VWC2L: variants seen among roughly 807,000 people sequenced by gnomAD.
VWC2L encodes the protein von Willebrand factor C domain-containing protein 2-like.
A neutral mutation model predicts 21.6 loss-of-function variants in VWC2L; 10 were observed. The ratio of observed to expected loss-of-function variants is 0.46; its 90% confidence interval spans 0.29 to 0.78. The LOEUF (loss-of-function observed/expected upper bound fraction) is 0.78, where lower values mean the gene tolerates loss of function less well. VWC2L is among the 30% of genes least tolerant of loss of function. The pLI, the probability that VWC2L is intolerant of heterozygous loss-of-function variation, is 0.10. For missense variants in VWC2L, 209 were observed against 277.1 expected, an observed-to-expected ratio of 0.75 and a Z score of 1.74; for synonymous variants, 96 against 94.3, an observed-to-expected ratio of 1.02 and a Z score of -0.10.
At chr2:214,508,413 C>T (rs1360697523) in intron 3 of VWC2L, among the ~76,000 whole-genome samples, 1 of 152,200 alleles carries the variant, frequency 6.6e-6, no homozygotes, top group African/African-American at 2.4e-5. Context: ...CTGTCTACTC[C>T]CAAACTGCCA....
At chr2:214,438,752 T>A (rs1332438524) in intron 3 of VWC2L, among the ~76,000 whole-genome samples, 1 of 151,990 alleles carries the variant, frequency 6.6e-6, no homozygotes, top group South Asian at 2.1e-4. Flanking sequence ...CATGTCAGAG[T>A]AGAAATTTTT....
In VWC2L at chr2:214,493,276, G is replaced by T. The variant is rs1300735814; in HGVS notation, c.520+56518G>T. ...TTAAATAAAGTATGACTAGTTCAAT[G>T]AGTATTATTTCTATTAACACAGATG... On this transcript the variant is annotated intron_variant, in intron 3 of 3. Transcript: ENST00000312504. Among the ~76,000 whole-genome samples, 4 of 152,182 alleles carry T rather than the reference G, an allele frequency of 2.6e-5. No homozygotes were observed. The East Asian group carries it at 7.7e-4, about 29-fold the overall frequency.
At chr2:214,469,956 A>G (rs1703279712) in intron 3 of VWC2L, among the ~76,000 whole-genome samples, 2 of 152,238 alleles carry the variant, frequency 1.3e-5, no homozygotes, top group South Asian at 4.1e-4. Context: ...GCATCCAAGT[A>G]ACTTAAAGTC....
At chr2:214,481,858 G>A (rs1688607396) in intron 3 of VWC2L, among the ~76,000 whole-genome samples, 1 of 152,088 alleles carries the variant, frequency 6.6e-6, no homozygotes, top group Non-Finnish European at 1.5e-5. Flanking sequence ...ATAACAGAAA[G>A]GTTTGTGTTC....
At chr2:214,475,387 T>A (rs192905703) in intron 3 of VWC2L, among the ~76,000 whole-genome samples, 1 of 147,174 alleles carries the variant, frequency 6.8e-6, no homozygotes, top group Non-Finnish European at 1.5e-5. Flanking sequence ...CAAAGGGATA[T>A]GTAAAAAAAA....
At chr2:214,449,358 T>C (rs997061922) in intron 3 of VWC2L, among the ~76,000 whole-genome samples, 1 of 152,170 alleles carries the variant, frequency 6.6e-6, no homozygotes, top group Non-Finnish European at 1.5e-5. Context: ...TGATGAAATA[T>C]GTGATTTGAA....
chr2:214,451,629 T>G (rs540360886), intron 3 of VWC2L, among the ~76,000 whole-genome samples: 1 of 152,280 alleles, frequency 6.6e-6, no homozygotes, highest in East Asian at 1.9e-4. Context: ...CATTGAGAGC[T>G]AAATTCAACC....
At chr2:214,575,630 T>C in intron 3 of VWC2L, 42 bp from the exon 4 acceptor site, 1 of 1,604,774 alleles carries the variant, frequency 6.2e-7, no homozygotes, top group Non-Finnish European at 8.5e-7. Context: ...AAAGGGAGCC[T>C]CTCAGATTTA....
chr2:214,503,330 C>A (rs775002429), intron 3 of VWC2L, among the ~76,000 whole-genome samples: 13 of 151,838 alleles, frequency 8.6e-5, no homozygotes, highest in Non-Finnish European at 1.2e-4. Context: ...CTTTCAGAGG[C>A]CCATGAAAAT....
chr2:214,437,697 G>C (rs1165679515), intron 3 of VWC2L, among the ~76,000 whole-genome samples: 1 of 151,982 alleles, frequency 6.6e-6, no homozygotes, highest in Non-Finnish European at 1.5e-5. Context: ...CTCTGAATTT[G>C]GAGCTCACCT....
At chr2:214,527,590 T>TA (rs1364904061) in intron 3 of VWC2L, among the ~76,000 whole-genome samples, 1 of 152,116 alleles carries the variant, frequency 6.6e-6, no homozygotes, top group Admixed American at 6.6e-5. Context: ...CACTTGTCAT[T>TA]ATCTCTACCT....
At chr2:214,515,305 C>T (rs1689123173) in intron 3 of VWC2L, among the ~76,000 whole-genome samples, 2 of 152,132 alleles carry the variant, frequency 1.3e-5, no homozygotes, top group African/African-American at 4.8e-5. Context: ...CATGGGCAAG[C>T]TACTAAAGAC....
At chr2:214,475,389 T>TAA (rs145282542) in intron 3 of VWC2L, among the ~76,000 whole-genome samples, 31 of 148,908 alleles carry the variant, frequency 2.1e-4, no homozygotes, top group East Asian at 3.9e-4. Context: ...AAGGGATATG[T>TAA]AAAAAAAAAA....
intron 3 of VWC2L, among the ~76,000 whole-genome samples, chr2:214,540,154 C>G (rs993904844): frequency 1.3e-5 from 2 of 151,958 alleles, no homozygotes; most frequent in Non-Finnish European, 2.9e-5. Flanking sequence ...GTTCTCAGTC[C>G]CTGCATAAGC....
chr2:214,529,881 TTCC>T (rs1425729643), intron 3 of VWC2L, among the ~76,000 whole-genome samples: 1 of 152,146 alleles, frequency 6.6e-6, no homozygotes, highest in East Asian at 1.9e-4. Flanking sequence ...GGTAGTTTCA[TTCC>T]TCATCTTTTC....
intron 3 of VWC2L, among the ~76,000 whole-genome samples, chr2:214,519,495 CATG>C (rs1333412739): frequency 6.6e-6 from 1 of 152,172 alleles, no homozygotes; most frequent in Non-Finnish European, 1.5e-5. Context: ...CATTGGAAAC[CATG>C]ATACCACAAG....
intron 2 of VWC2L, among the ~76,000 whole-genome samples, chr2:214,419,515 G>GT (rs1302155120): frequency 6.6e-6 from 1 of 152,108 alleles, no homozygotes; most frequent in African/African-American, 2.4e-5. Flanking sequence ...TACACTGAAG[G>GT]TTATACTACA....
At chr2:214,520,936 A>C (rs1689228337) in intron 3 of VWC2L, among the ~76,000 whole-genome samples, 1 of 152,080 alleles carries the variant, frequency 6.6e-6, no homozygotes, top group Non-Finnish European at 1.5e-5. Flanking sequence ...AAAGCTACCA[A>C]GTTTGGACTG....
intron 3 of VWC2L, among the ~76,000 whole-genome samples, chr2:214,571,176 T>C (rs1394705758): frequency 6.6e-6 from 1 of 152,174 alleles, no homozygotes; most frequent in Non-Finnish European, 1.5e-5. Context: ...TAAATTCTGA[T>C]CAGAAGCTCA....
Sources: gnomAD v4.1 joint callset for allele counts (sites outside exome capture counted in the v4.1 genomes callset) on GRCh38, gnomAD v4.1.1 for gene constraint, MANE v1.5 for transcripts, NCBI Gene and HGNC (gene_info 2026-07-23, HGNC 2026-07-21) for gene names.